DCBLD2: variants seen among roughly 807,000 people sequenced by gnomAD.
DCBLD2 encodes discoidin, CUB and LCCL domain containing 2.
A neutral mutation model predicts 86.8 loss-of-function variants in DCBLD2; 54 were observed. The observed-to-expected ratio is 0.62, with a 90% CI of 0.50 to 0.78. The LOEUF is 0.78. Ranked by LOEUF, DCBLD2 falls within the 30% of genes least tolerant of loss-of-function variation. The pLI is 0.00. For synonymous variants in DCBLD2, 354 were observed against 341.3 expected, an observed-to-expected ratio of 1.04 and a Z score of -0.41; for missense variants, 908 against 954.2, an observed-to-expected ratio of 0.95 and a Z score of 0.64.
In DCBLD2 at chr3:98,865,710, T is replaced by A. The variant is rs542940529; in HGVS notation, c.433+15830A>T. 3.9e-3 allele frequency among the ~76,000 whole-genome samples: 598 copies of A among 151,930 alleles called. 5 individuals carry two copies. The highest frequency in any genetic ancestry group is 9.8e-3 in the African/African-American group (406 of 41,470). On this transcript the variant is annotated intron_variant, in intron 2 of 15. Coordinates refer to ENST00000326840, the MANE Select transcript of DCBLD2 (RefSeq NM_080927.4). Reference sequence around the variant, plus strand: ...ACAGCATATATACAATTTTCTTTTTTTATATATATATTTTGTATTATACTT... The same window carrying A: ...ACAGCATATATACAATTTTCTTTTTATATATATATATTTTGTATTATACTT...
At chr3:98,801,518 A>G in intron 14 of DCBLD2, 82 bp downstream of exon 14, 1 of 1,111,530 alleles carries the variant, frequency 9.0e-7, no homozygotes, top group African/African-American at 1.6e-5. Flanking sequence ...GGGCCAGAGA[A>G]TGACTCTTTT....
intron 9 of DCBLD2, 46 bp from the exon 10 acceptor site, chr3:98,812,528 C>T: frequency 6.4e-7 from 1 of 1,553,366 alleles, no homozygotes; most frequent in East Asian, 2.3e-5. Context: ...CAATAGAGGT[C>T]AGGGCTAAAT....
At chr3:98,840,643 G>A (rs1330324240) in intron 3 of DCBLD2, among the ~76,000 whole-genome samples, 1 of 152,070 alleles carries the variant, frequency 6.6e-6, no homozygotes, top group Non-Finnish European at 1.5e-5. Context: ...CTACAGGCAT[G>A]TGCCACCACA....
At chr3:98,802,170 C>T (rs988163900) in intron 13 of DCBLD2, among the ~76,000 whole-genome samples, 3 of 152,196 alleles carry the variant, frequency 2.0e-5, no homozygotes, top group Non-Finnish European at 4.4e-5. Context: ...ACAGTCCTAC[C>T]AACAGTGTAA....
chr3:98,877,702 C>G (rs1943395173), intron 2 of DCBLD2, among the ~76,000 whole-genome samples: 1 of 152,146 alleles, frequency 6.6e-6, no homozygotes, highest in African/African-American at 2.4e-5. Context: ...ACATTGATTT[C>G]TAATACCATT....
At chr3:98,866,973 C>T (rs1300518696) in intron 2 of DCBLD2, among the ~76,000 whole-genome samples, 1 of 152,114 alleles carries the variant, frequency 6.6e-6, no homozygotes, top group Non-Finnish European at 1.5e-5. Context: ...AATCCTTTCC[C>T]CATTTCTTGT....
At chr3:98,829,561 C>T (rs946090114) in intron 3 of DCBLD2, among the ~76,000 whole-genome samples, 10 of 152,144 alleles carry the variant, frequency 6.6e-5, no homozygotes, top group African/African-American at 1.9e-4. Flanking sequence ...AGGTTAATGG[C>T]CTCCAGTTCC....
intron 3 of DCBLD2, among the ~76,000 whole-genome samples, chr3:98,846,585 T>C (rs547078342): frequency 6.6e-6 from 1 of 152,300 alleles, no homozygotes; most frequent in Non-Finnish European, 1.5e-5. Context: ...AGGCAAAAAA[T>C]AATAAGATTT....
chr3:98,900,761 C>T, intron 1 of DCBLD2: 1 of 304,630 alleles, frequency 3.3e-6, no homozygotes, highest in Non-Finnish European at 6.3e-6. Context: ...AACCTGCCTT[C>T]CTACAGTGTC....
At chr3:98,893,429 G>C (rs1392893580) in intron 1 of DCBLD2, among the ~76,000 whole-genome samples, 2 of 150,582 alleles carry the variant, frequency 1.3e-5, no homozygotes, top group Non-Finnish European at 3.0e-5. Context: ...AAAGCTGCTT[G>C]GTTTTTCAAA....
At chr3:98,834,417 A>G (rs1942388869) in intron 3 of DCBLD2, among the ~76,000 whole-genome samples, 1 of 150,398 alleles carries the variant, frequency 6.6e-6, no homozygotes, top group South Asian at 2.1e-4. Flanking sequence ...ATCAAACTGT[A>G]TATTTGTACC....
intron 2 of DCBLD2, among the ~76,000 whole-genome samples, chr3:98,861,082 C>T (rs941940686): frequency 3.3e-5 from 5 of 152,108 alleles, no homozygotes; most frequent in Admixed American, 1.3e-4. Flanking sequence ...ATCCTAGTCT[C>T]TGATAAAACA....
chr3:98,838,846 A>AC (rs1208805711), intron 3 of DCBLD2, among the ~76,000 whole-genome samples: 1 of 152,014 alleles, frequency 6.6e-6, no homozygotes, highest in African/African-American at 2.4e-5. Context: ...GGGGCTGGAG[A>AC]CCGGCCCGGC....
At chr3:98,870,205 C>G (rs1450331211) in intron 2 of DCBLD2, among the ~76,000 whole-genome samples, 1 of 152,108 alleles carries the variant, frequency 6.6e-6, no homozygotes, top group African/African-American at 2.4e-5. Flanking sequence ...TGTCCTTTCC[C>G]CCATTGTATG....
chr3:98,852,538 C>G (rs1272202742), intron 2 of DCBLD2, among the ~76,000 whole-genome samples: 1 of 152,240 alleles, frequency 6.6e-6, no homozygotes, highest in Non-Finnish European at 1.5e-5. Context: ...TGAGCCACCG[C>G]ACCCAGCCTT....
intron 8 of DCBLD2, 98 bp from the exon 9 acceptor site, chr3:98,817,991 A>G (rs1478694049): frequency 2.1e-6 from 3 of 1,405,652 alleles, no homozygotes; most frequent in Non-Finnish European, 2.9e-6. Flanking sequence ...CAGCTCGAAC[A>G]TTTCTAATTA....
intron 1 of DCBLD2, among the ~76,000 whole-genome samples, chr3:98,891,358 T>A (rs1943658942): frequency 6.6e-6 from 1 of 152,114 alleles, no homozygotes; most frequent in Non-Finnish European, 1.5e-5. Context: ...TTAAACTGAC[T>A]TGGCTCTCTC....
At chr3:98,891,600 C>T (rs1305153253) in intron 1 of DCBLD2, among the ~76,000 whole-genome samples, 6 of 152,168 alleles carry the variant, frequency 3.9e-5, no homozygotes, top group Admixed American at 6.5e-5. Context: ...GATGATACAA[C>T]GAAGTTCAAA....
At chr3:98,837,338 A>G (rs1167207058) in intron 3 of DCBLD2, among the ~76,000 whole-genome samples, 5 of 4,074 alleles carry the variant, frequency 1.2e-3, no homozygotes, top group South Asian at 0.056. Flanking sequence ...CTGGCCGGGC[A>G]GAGGGGCTCC....
Sources: gnomAD v4.1 joint callset for allele counts (sites outside exome capture counted in the v4.1 genomes callset) on GRCh38, gnomAD v4.1.1 for gene constraint, MANE v1.5 for transcripts, NCBI Gene and HGNC (gene_info 2026-07-23, HGNC 2026-07-21) for gene names.